RBFOX1: variants seen among roughly 807,000 people sequenced by gnomAD.
RBFOX1 encodes RNA binding fox-1 homolog 1.
Under a neutral mutation model 57.7 loss-of-function variants are expected in RBFOX1, and 8 were observed. The observed-to-expected ratio is 0.14, with a 90% CI of 0.08 to 0.25. RBFOX1 has a LOEUF of 0.25. Ranked by LOEUF, RBFOX1 falls within the 10% of genes least tolerant of loss-of-function variation. The pLI is 1.00. For missense variants in RBFOX1, 611 were observed against 548.5 expected (o/e 1.11, Z -1.14); for synonymous variants, 326 against 222.4 (o/e 1.47, Z -4.15).
intron 3 of RBFOX1, among the ~76,000 whole-genome samples, chr16:6,953,795 A>T (rs551656912): frequency 6.6e-6 from 1 of 152,262 alleles, no homozygotes; most frequent in South Asian, 2.1e-4. Flanking sequence ...CAAGATTTCA[A>T]ACTGGTTTGC....
intron 2 of RBFOX1, among the ~76,000 whole-genome samples, chr16:6,373,403 T>C (rs2090755656): frequency 6.7e-6 from 1 of 149,144 alleles, no homozygotes; most frequent in Non-Finnish European, 1.5e-5. Flanking sequence ...GGTAGGAGCA[T>C]TGTTGGGTGC....
intron 4 of RBFOX1, among the ~76,000 whole-genome samples, chr16:7,059,844 G>A (rs1361881992): frequency 2.0e-5 from 3 of 152,142 alleles, no homozygotes; most frequent in African/African-American, 4.8e-5. Flanking sequence ...AATTACATTA[G>A]TTAGTGGAAT....
intron 3 of RBFOX1, among the ~76,000 whole-genome samples, chr16:6,976,026 C>G (rs1221012504): frequency 6.6e-6 from 1 of 152,046 alleles, no homozygotes; most frequent in Non-Finnish European, 1.5e-5. Flanking sequence ...ATTTGAGAGG[C>G]TGAGGGAAGT....
At chr16:6,105,081 G>A (rs2096362390) in intron 1 of RBFOX1, among the ~76,000 whole-genome samples, 1 of 152,156 alleles carries the variant, frequency 6.6e-6, no homozygotes, top group African/African-American at 2.4e-5. Flanking sequence ...AAGCCAAGAA[G>A]GAGATGGTGA....
At chr16:7,158,628 C>T (rs1379324723) in intron 4 of RBFOX1, among the ~76,000 whole-genome samples, 1 of 151,506 alleles carries the variant, frequency 6.6e-6, no homozygotes, top group South Asian at 2.1e-4. Flanking sequence ...GATGTGTCTG[C>T]ATGTGTGTGT....
chr16:5,952,776 G>T (rs976873787), intron 4 of RBFOX1, among the ~76,000 whole-genome samples: 1 of 152,122 alleles, frequency 6.6e-6, no homozygotes, highest in African/African-American at 2.4e-5. Context: ...GGTGTCTTGT[G>T]CACACCTGGG....
rs1209393446 is a variant in RBFOX1 at position 7,650,563 on chromosome 16, T to TC, written c.758-3248dup. Among the ~76,000 whole-genome samples, 14 of 149,226 alleles carry TC rather than the reference T, an allele frequency of 9.4e-5. 1 individual carries two copies. The East Asian group carries it at 2.4e-3, about 26-fold the overall frequency. The stretch of plus-strand genomic sequence containing the variant: ...GCTCCACGCTCTTAACAGCACGTGC[T>TC]CCCCTCTCTCTCTCTTGCCAAGCTT... On this transcript the variant is annotated intron_variant, in intron 11 of 15. Coordinates refer to ENST00000550418, the MANE Select transcript of RBFOX1 (RefSeq NM_018723.4).
At chr16:6,064,428 T>C (rs1233181063) in intron 1 of RBFOX1, among the ~76,000 whole-genome samples, 1 of 152,186 alleles carries the variant, frequency 6.6e-6, no homozygotes, top group Non-Finnish European at 1.5e-5. Flanking sequence ...TTTCATTAAA[T>C]TTATCTTTGG....
intron 3 of RBFOX1, among the ~76,000 whole-genome samples, chr16:6,923,895 T>G (rs9888762): frequency 0.7 from 106,265 of 152,002 alleles, 37,222 homozygotes; most frequent in Non-Finnish European, 0.71. Flanking sequence ...TGAAGGTCAG[T>G]TGTGGTGGCT....
At chr16:6,308,110 A>C (rs2079757034) in intron 1 of RBFOX1, among the ~76,000 whole-genome samples, 1 of 151,394 alleles carries the variant, frequency 6.6e-6, no homozygotes. Context: ...TATTATTTAC[A>C]TACTTTTATA....
At chr16:6,670,671 C>G (rs1275680897) in intron 3 of RBFOX1, among the ~76,000 whole-genome samples, 1 of 152,146 alleles carries the variant, frequency 6.6e-6, no homozygotes, top group Non-Finnish European at 1.5e-5. Flanking sequence ...AAGAATACTA[C>G]CTTTTCCCAT....
At chr16:5,702,145 C>G (rs911210719) in intron 3 of RBFOX1, among the ~76,000 whole-genome samples, 1 of 152,200 alleles carries the variant, frequency 6.6e-6, no homozygotes, top group Admixed American at 6.5e-5. Flanking sequence ...CTACCTGAGA[C>G]TGGGTAATTT....
chr16:6,094,089 A>G (rs1487377277), intron 1 of RBFOX1, among the ~76,000 whole-genome samples: 3 of 152,164 alleles, frequency 2.0e-5, no homozygotes, highest in Non-Finnish European at 2.9e-5. Context: ...TGCCATTGAA[A>G]AGACCCCAAA....
intron 3 of RBFOX1, among the ~76,000 whole-genome samples, chr16:5,733,889 C>G (rs1262356995): frequency 1.3e-5 from 2 of 152,044 alleles, no homozygotes; most frequent in Non-Finnish European, 2.9e-5. Context: ...CTCTCCAAGG[C>G]TGCTGAGGAC....
intron 2 of RBFOX1, among the ~76,000 whole-genome samples, chr16:6,601,550 A>G (rs532987165): frequency 1.3e-5 from 2 of 152,220 alleles, no homozygotes; most frequent in East Asian, 1.9e-4. Flanking sequence ...CAAGCACCCT[A>G]TGCTTGGAGT....
chr16:6,223,198 T>G (rs1395665698), intron 1 of RBFOX1, among the ~76,000 whole-genome samples: 1 of 151,068 alleles, frequency 6.6e-6, no homozygotes, highest in Non-Finnish European at 1.5e-5. Flanking sequence ...TGATTTATAG[T>G]CCTTTGGGTA....
At chr16:7,481,468 A>G (rs987829553) in intron 4 of RBFOX1, among the ~76,000 whole-genome samples, 1 of 152,168 alleles carries the variant, frequency 6.6e-6, no homozygotes, top group African/African-American at 2.4e-5. Context: ...CTGTAGTGCA[A>G]ATTACTCTCT....
At chr16:7,222,622 A>T (rs143614626) in intron 4 of RBFOX1, among the ~76,000 whole-genome samples, 1 of 152,162 alleles carries the variant, frequency 6.6e-6, no homozygotes, top group Admixed American at 6.5e-5. Flanking sequence ...GCCGCTTATG[A>T]TCTGTGTGCA....
chr16:6,116,685 A>G (rs1208899234), intron 1 of RBFOX1, among the ~76,000 whole-genome samples: 1 of 152,156 alleles, frequency 6.6e-6, no homozygotes, highest in Non-Finnish European at 1.5e-5. Flanking sequence ...AGCATCTTTC[A>G]TTGCCGTTTA....
Sources: gnomAD v4.1 joint callset for allele counts (sites outside exome capture counted in the v4.1 genomes callset) on GRCh38, gnomAD v4.1.1 for gene constraint, MANE v1.5 for transcripts, NCBI Gene and HGNC (gene_info 2026-07-23, HGNC 2026-07-21) for gene names.